The following NCAPD3 variants were observed in gnomAD, a reference collection of about 807,000 sequenced individuals.
The protein encoded by NCAPD3 is non-SMC condensin II complex subunit D3.
Under a neutral mutation model 182.9 loss-of-function variants are expected in NCAPD3, and 105 were observed. That is an observed-to-expected ratio of 0.57 (90% CI 0.49 to 0.68). NCAPD3 has a LOEUF of 0.68. Among genes scored for constraint, NCAPD3 ranks in the 30% least tolerant of loss-of-function variants. The pLI, the probability that NCAPD3 is intolerant of heterozygous loss-of-function variation, is 0.00. For missense variants in NCAPD3, 1,944 were observed against 1,837.0 expected (o/e 1.06, Z -1.07); for synonymous variants, 815 against 679.9 (o/e 1.20, Z -3.09).
rs757106741 is a variant in NCAPD3 at position 134,161,829 on chromosome 11, C to G, written c.3636G>C (p.Leu1212=). ...GCAAAGCTGGGATCTTATTTTTCTCCAGCACAGTCTTCAGGGAGATGATAA... is the reference window on the plus strand; with the variant it reads ...GCAAAGCTGGGATCTTATTTTTCTCGAGCACAGTCTTCAGGGAGATGATAA... ...IPIIISLKTV[L]EKNKIPALRE... The change falls in exon 28 of 35, where the codon CTG becomes CTC. Residue 1212 remains leucine (L), a synonymous_variant. Transcript: ENST00000534548. 5 of 1,595,440 alleles carry G rather than the reference C, an allele frequency of 3.1e-6. No homozygotes were observed. Among genetic ancestry groups the G allele is most frequent in the Non-Finnish European group, 4.3e-6 (5 of 1,166,360 alleles).
chr11:134,195,525 GAT>G (rs1173817660), intron 13 of NCAPD3, among the ~76,000 whole-genome samples: 4 of 152,002 alleles, frequency 2.6e-5, no homozygotes, highest in Non-Finnish European at 4.4e-5. Flanking sequence ...AAAAGAGCAA[GAT>G]ATGTTACTGT....
intron 32 of NCAPD3, among the ~76,000 whole-genome samples, chr11:134,156,429 T>C (rs1428090647): frequency 6.6e-6 from 1 of 152,170 alleles, no homozygotes; most frequent in Non-Finnish European, 1.5e-5. Context: ...ATAATGGTTT[T>C]TATGAGGTTT....
rs369914601 is a variant in NCAPD3, at chr11:134,204,034, G to C, written c.1215+12C>G. ...AAAAGGACCCAAGGTTTTATGCAGA[G>C]CTATCTCCTACCTTGGAACTTCGGG... On this transcript the variant is annotated intron_variant, in intron 10 of 34. Coordinates refer to ENST00000534548, the MANE Select transcript of NCAPD3 (RefSeq NM_015261.3). This position sits in a 1 kb window ranked among gnomAD's most constrained non-coding sequence, Gnocchi z 4.3. 1.4e-4 allele frequency: 224 copies of C among 1,613,700 alleles called. No homozygotes were observed. Among genetic ancestry groups the C allele is most frequent in the Admixed American group, 1.0e-4 (6 of 59,958 alleles).
chr11:134,167,447 G>T (rs1306351210), intron 27 of NCAPD3, among the ~76,000 whole-genome samples: 2 of 136,180 alleles, frequency 1.5e-5, no homozygotes, highest in Non-Finnish European at 3.1e-5. Context: ...CTCGTGAGAG[G>T]AGCTTAGGGG....
Position 134,180,098 on chromosome 11 carries a change from T to C in NCAPD3, c.2559+979A>G, listed in dbSNP as rs550582650. Among the ~76,000 whole-genome samples the C allele has an allele frequency of 2.6e-5, 4 of 151,960 alleles. No individual in the cohort carries two copies. In the East Asian group the frequency reaches 7.8e-4, roughly 30 times the overall value. On this transcript the variant is annotated intron_variant, in intron 20 of 34. Transcript: ENST00000534548. ...GCATCTTTCTTAATGTGGGCAGAAATGAGAAGAGCAAGACCCTCTAGAAGC... is the reference window on the plus strand; with the variant it reads ...GCATCTTTCTTAATGTGGGCAGAAACGAGAAGAGCAAGACCCTCTAGAAGC...
chr11:134,168,020 T>C lies in NCAPD3; in HGVS notation c.3549A>G (p.Glu1183=), dbSNP rs765057117. 1 of 1,614,086 alleles carries C rather than the reference T, an allele frequency of 6.2e-7. No individual in the cohort carries two copies. The part of the protein sequence containing the change: ...DMALANVVMQ[E]AQKKLISQVQ... ...CTTGTGAGATGAGCTTCTTCTGAGCTTCCTGCATGACTACATTTGCCAAGG... is the reference window on the plus strand; with the variant it reads ...CTTGTGAGATGAGCTTCTTCTGAGCCTCCTGCATGACTACATTTGCCAAGG... Residue 1183 remains glutamate (E), a synonymous_variant, in exon 27 of 35, where the codon GAA becomes GAG. Coordinates refer to ENST00000534548, the MANE Select transcript of NCAPD3 (RefSeq NM_015261.3).
intron 32 of NCAPD3, among the ~76,000 whole-genome samples, chr11:134,154,686 G>C (rs1943369810): frequency 6.6e-6 from 1 of 152,176 alleles, no homozygotes; most frequent in African/African-American, 2.4e-5. Flanking sequence ...AACAGCACGG[G>C]CTGGGCAGCT....
chr11:134,222,362 G>A (rs895736036), intron 1 of NCAPD3, among the ~76,000 whole-genome samples: 4 of 152,184 alleles, frequency 2.6e-5, no homozygotes, highest in East Asian at 1.9e-4. Context: ...ATACTAGAGG[G>A]TTCTTGTCCA....
chr11:134,169,764 C>T (rs1308656664), intron 24 of NCAPD3, among the ~76,000 whole-genome samples: 2 of 152,228 alleles, frequency 1.3e-5, no homozygotes, highest in Non-Finnish European at 2.9e-5. Context: ...CAGGCCACCA[C>T]AGAGTTTCTG....
intron 10 of NCAPD3, 63 bp downstream of exon 10, chr11:134,203,983 A>T: frequency 6.2e-7 from 1 of 1,600,524 alleles, no homozygotes; most frequent in Non-Finnish European, 8.5e-7. Context: ...AGACCTAGAA[A>T]AAGAGACCCT....
chr11:134,194,287 C>T, intron 14 of NCAPD3, 137 bp from the exon 15 acceptor site: 1 of 834,904 alleles, frequency 1.2e-6, no homozygotes, highest in Non-Finnish European at 1.8e-6. Flanking sequence ...TTCCTCCTCA[C>T]AACATCCCAT....
chr11:134,217,975 G>C (rs1470872717), intron 2 of NCAPD3, among the ~76,000 whole-genome samples: 1 of 152,012 alleles, frequency 6.6e-6, no homozygotes, highest in Non-Finnish European at 1.5e-5. Context: ...GCACACACCT[G>C]TAGTCCCAGC....
At chr11:134,166,078 T>A (rs1473637334) in intron 27 of NCAPD3, among the ~76,000 whole-genome samples, 20 of 29,304 alleles carry the variant, frequency 6.8e-4, no homozygotes, top group South Asian at 2.7e-3. Flanking sequence ...CACACTCACT[T>A]GTGAGATGAG....
At position 134,178,600 on chromosome 11, in the gene NCAPD3, G is replaced by A. The variant is rs192395901; in HGVS notation, c.2782+34C>T. 1.0e-4 allele frequency: 151 copies of A among 1,459,110 alleles called. No homozygotes were observed. In the Admixed American group the frequency reaches 2.7e-3, roughly 26 times the overall value. The allele number at this position is 1,459,110 out of a possible 1,614,324, so 90.4% of individuals were successfully genotyped here. ...TTAAGACAACAGCTACACACAGAACGATGTCAAGCCCCATTCTCCCATGTT... is the reference window on the plus strand; with the variant it reads ...TTAAGACAACAGCTACACACAGAACAATGTCAAGCCCCATTCTCCCATGTT... On this transcript the variant is annotated intron_variant, in intron 22 of 34. Coordinates refer to ENST00000534548, the MANE Select transcript of NCAPD3 (RefSeq NM_015261.3).
intron 1 of NCAPD3, among the ~76,000 whole-genome samples, chr11:134,221,867 T>C (rs945528640): frequency 6.6e-6 from 1 of 152,238 alleles, no homozygotes; most frequent in Non-Finnish European, 1.5e-5. Flanking sequence ...CTCTGTACCC[T>C]AAGTGGCTAT....
chr11:134,202,736 A>T (rs1944775104), intron 13 of NCAPD3, 80 bp downstream of exon 13: 1 of 1,158,620 alleles, frequency 8.6e-7, no homozygotes. Flanking sequence ...AAAAAAAAAA[A>T]TCCAAGGTTT....
In NCAPD3 at chr11:134,168,897, G is replaced by A; in HGVS notation, c.3239+20C>T. The A allele has an allele frequency of 3.1e-6, 5 of 1,607,896 alleles. No individual in the cohort carries two copies. The highest frequency in any genetic ancestry group is 1.1e-5 in the South Asian group (1 of 89,656). On this transcript the variant is annotated intron_variant, in intron 25 of 34. Coordinates refer to ENST00000534548, the MANE Select transcript of NCAPD3 (RefSeq NM_015261.3). ...CTCTTACCCAGATACAAGGAGACCA[G>A]ACTTAGCTGCTTCACTGACCTCTCT...
upstream of NCAPD3, chr11:134,225,165 C>G (rs1166160486): frequency 6.2e-7 from 1 of 1,613,928 alleles, no homozygotes; most frequent in African/African-American, 1.3e-5. Flanking sequence ...GGTGGAAATC[C>G]TTCTGAACGA....
chr11:134,154,477 A>ACCCCCCCCCCCCCCCCC (rs376790927), intron 32 of NCAPD3, among the ~76,000 whole-genome samples: 1 of 75,606 alleles, frequency 1.3e-5, no homozygotes, highest in African/African-American at 6.0e-5. Flanking sequence ...GCTTCTCTGC[A>ACCCCCCCCCCCCCCCCC]CCCCCCCCCC....
Sources: gnomAD v4.1 joint callset for allele counts (sites outside exome capture counted in the v4.1 genomes callset) on GRCh38, gnomAD v4.1.1 for gene constraint, Gnocchi (gnomAD v3.1) non-coding constraint, MANE v1.5 for transcripts, NCBI Gene and HGNC (gene_info 2026-07-23, HGNC 2026-07-21) for gene names.